Variants in RTN4RL2 observed in about 807,000 individuals in gnomAD.
The protein encoded by RTN4RL2 is reticulon-4 receptor-like 2.
Under a neutral mutation model 27.8 loss-of-function variants are expected in RTN4RL2, and 9 were observed. That is an observed-to-expected ratio of 0.32 (90% CI 0.20 to 0.57). The LOEUF (loss-of-function observed/expected upper bound fraction) is 0.57, where lower values mean the gene tolerates loss of function less well. Among genes scored for constraint, RTN4RL2 ranks in the 20% least tolerant of loss-of-function variants. The probability of loss-of-function intolerance (pLI) is 0.90; values close to 1 mark genes in which losing one functional copy is unlikely to be tolerated. For synonymous variants in RTN4RL2, 285 were observed against 297.9 expected (o/e 0.96, Z 0.45); for missense variants, 436 against 596.8 (o/e 0.73, Z 2.81).
chr11:57,476,813 G>GCCTGCCAGGCGCCC lies in RTN4RL2; in HGVS notation c.1168_1181dup (p.Asp395AlafsTer134). 1 of 1,545,496 alleles carries GCCTGCCAGGCGCCC rather than the reference G, an allele frequency of 6.5e-7. No homozygotes were observed. The highest frequency in any genetic ancestry group is 8.7e-7 in the Non-Finnish European group (1 of 1,152,422). ...AGGGGAGCAGATGTGCCCCGGCGCTGCCTGCCAGGCGCCCCCGGACTCCCG... is the reference window on the plus strand; with the variant it reads ...AGGGGAGCAGATGTGCCCCGGCGCTGCCTGCCAGGCGCCCCCTGCCAGGCGCCCCCGGACTCCCG... On this transcript the variant is annotated frameshift_variant, in exon 3 of 3. Coordinates refer to ENST00000335099, the MANE Select transcript of RTN4RL2 (RefSeq NM_178570.3). LOFTEE classifies it high-confidence loss of function. This position sits in a 1 kb window ranked among gnomAD's most constrained non-coding sequence, Gnocchi z 8.2.
Position 57,471,667 on chromosome 11 carries a change from C to CT in RTN4RL2, c.513+3581dup, listed in dbSNP as rs1277476312. Among the ~76,000 whole-genome samples the CT allele has an allele frequency of 2.0e-5, 3 of 152,320 alleles. No homozygotes were observed. In the East Asian group the frequency reaches 5.8e-4, roughly 29 times the overall value. On this transcript the variant is annotated intron_variant, in intron 2 of 2. Coordinates refer to ENST00000335099, the MANE Select transcript of RTN4RL2 (RefSeq NM_178570.3). ...AGGAAACTCCACCAGAGGACCACAG[C>CT]TTTTCAGAATGGGGAAGGGCCAGGC...
chr11:57,476,997 C>G lies in RTN4RL2; in HGVS notation c.*86C>G. ...GCGGCTCCGGCCCCAGTCGCCCCAC[C>G]TTCCCTGGCCTTGCTGCCTCCCTTT... On this transcript the variant is annotated 3_prime_UTR_variant, in exon 3 of 3. Coordinates refer to ENST00000335099, the MANE Select transcript of RTN4RL2 (RefSeq NM_178570.3). This position sits in a 1 kb window ranked among gnomAD's most constrained non-coding sequence, Gnocchi z 8.2. The G allele has an allele frequency of 1.5e-6, 2 of 1,358,636 alleles. No individual in the cohort carries two copies. Among genetic ancestry groups the G allele is most frequent in the Non-Finnish European group, 2.0e-6 (2 of 1,023,132 alleles). The allele number at this position is 1,358,636 out of a possible 1,614,324, so 84.2% of individuals were successfully genotyped here.
chr11:57,468,425 A>G, intron 2 of RTN4RL2: 2 of 776,676 alleles, frequency 2.6e-6, no homozygotes, highest in South Asian at 3.4e-5. Flanking sequence ...TGCCTCCCCC[A>G]TCTGTCTTCT....
Position 57,476,420 on chromosome 11 carries a change from C to A in RTN4RL2, c.772C>A (p.Leu258Ile). 6.3e-7 allele frequency: 1 copy of A among 1,598,732 alleles called. No homozygotes were observed. The highest frequency in any genetic ancestry group is 2.2e-5 in the East Asian group (1 of 44,616). ...CCTGCCCTCGCTCGAGTTCCTGCGG[C>A]TCAACGCTAACCCCTGGGCGTGCGA... ...ADLPSLEFLR[L>I]NANPWACDCR... The change falls in exon 3 of 3, where the codon CTC becomes ATC. Residue 258 changes from leucine to isoleucine, a missense_variant. Transcript: ENST00000335099. This position sits in a 1 kb window ranked among gnomAD's most constrained non-coding sequence, Gnocchi z 8.2.
At chr11:57,472,759 A>G (rs1943571385) in intron 2 of RTN4RL2, among the ~76,000 whole-genome samples, 1 of 152,188 alleles carries the variant, frequency 6.6e-6, no homozygotes, top group Non-Finnish European at 1.5e-5. Context: ...AATGGTAGCT[A>G]TCCATTAACA....
intron 1 of RTN4RL2, among the ~76,000 whole-genome samples, chr11:57,466,926 G>A (rs553399169): frequency 1.1e-4 from 16 of 152,330 alleles, no homozygotes; most frequent in South Asian, 6.2e-4. Context: ...CCCCCACAAC[G>A]AGGAACTATC....
chr11:57,476,851 C>A lies in RTN4RL2; in HGVS notation c.1203C>A (p.Leu401=). 1 of 1,572,954 alleles carries A rather than the reference C, an allele frequency of 6.4e-7. No individual in the cohort carries two copies. The highest frequency in any genetic ancestry group is 2.5e-5 in the East Asian group (1 of 39,848). The change falls in exon 3 of 3, where the codon CTC becomes CTA. Residue 401 remains leucine (L), a synonymous_variant. Transcript: ENST00000335099. The surrounding 1 kb of genome is among the most constrained non-coding windows in gnomAD (Gnocchi z 8.2). ...CCCCGGACTCCCGAGGCCCTGCGCTCTCGGCCGGGCTCCCCAGCCCTCTGC... is the reference window on the plus strand; with the variant it reads ...CCCCGGACTCCCGAGGCCCTGCGCTATCGGCCGGGCTCCCCAGCCCTCTGC... ...QAPPDSRGPA[L]SAGLPSPLLC... is the part of the protein sequence containing the mutation.
At position 57,476,374 on chromosome 11, in the gene RTN4RL2, G is replaced by T; in HGVS notation, c.726G>T (p.Leu242=). The change falls in exon 3 of 3, where the codon CTG becomes CTT. Residue 242 remains leucine (L), a synonymous_variant. Coordinates refer to ENST00000335099, the MANE Select transcript of RTN4RL2 (RefSeq NM_178570.3). The surrounding 1 kb of genome is among the most constrained non-coding windows in gnomAD (Gnocchi z 8.2). The part of the protein sequence containing the change: ...LYLFNNSLAS[L]PGEALADLPS... ...TGTTCAACAACAGCCTGGCCTCGCT[G>T]CCCGGCGAGGCGCTCGCCGACCTGC... The T allele has an allele frequency of 6.2e-7, 1 of 1,608,226 alleles. No individual in the cohort carries two copies.
Position 57,476,759 on chromosome 11 carries a change from T to C in RTN4RL2, c.1111T>C (p.Trp371Arg), listed in dbSNP as rs764404222. 8.9e-6 allele frequency: 13 copies of C among 1,465,888 alleles called. No individual in the cohort carries two copies. The African/African-American group carries it at 1.2e-4, about 13-fold the overall frequency. The allele number at this position is 1,465,888 out of a possible 1,614,324, so 90.8% of individuals were successfully genotyped here. ...GGACGCGCCTACTGAGGACGACTAC[T>C]GGGGGGGCTACGGGGGTGAGGACCA... ...GGDAPTEDDYWGGYGGEDQRG... is the reference protein window; with the variant it reads ...GGDAPTEDDYRGGYGGEDQRG... The change falls in exon 3 of 3, where the codon TGG (tryptophan) becomes CGG (arginine). Residue 371 changes from tryptophan (W) to arginine (R), a missense_variant. Trp to Arg is a moderately radical substitution (Grantham distance 101, BLOSUM62 -3). This residue lies in a region of RTN4RL2 where 60 missense variants were observed against 43.0 expected (regional missense o/e 1.40). Transcript: ENST00000335099. The surrounding 1 kb of genome is among the most constrained non-coding windows in gnomAD (Gnocchi z 8.2).
Position 57,476,599 on chromosome 11 carries a change from G to A in RTN4RL2, c.951G>A (p.Arg317=), listed in dbSNP as rs1467897451. The change falls in exon 3 of 3, where the codon CGG becomes CGA. Residue 317 remains arginine (R), a synonymous_variant. Transcript: ENST00000335099. This position sits in a 1 kb window ranked among gnomAD's most constrained non-coding sequence, Gnocchi z 8.2. Reference sequence around the variant, plus strand: ...CGTGTCCGCCCGCGGCACCCACGCGGCCGGGCAGCCGCGCCCGCGGCAACA... The same window carrying A: ...CGTGTCCGCCCGCGGCACCCACGCGACCGGGCAGCCGCGCCCGCGGCAACA... The part of the protein sequence containing the change: ...FQACPPAAPT[R]PGSRARGNSS... The A allele has an allele frequency of 2.9e-6, 4 of 1,399,748 alleles. No individual in the cohort carries two copies. The highest frequency in any genetic ancestry group is 3.4e-5 in the Admixed American group (1 of 29,052). 86.7% of individuals were successfully genotyped at this position (1,399,748 alleles called of 1,614,324 possible).
At chr11:57,464,240 G>A (rs1169169348) in intron 1 of RTN4RL2, among the ~76,000 whole-genome samples, 1 of 152,164 alleles carries the variant, frequency 6.6e-6, no homozygotes, top group African/African-American at 2.4e-5. Context: ...AGAGTCTAGG[G>A]AGAGAAAGAG....
At chr11:57,466,451 T>A (rs1943525773) in intron 1 of RTN4RL2, among the ~76,000 whole-genome samples, 1 of 152,154 alleles carries the variant, frequency 6.6e-6, no homozygotes, top group South Asian at 2.1e-4. Context: ...GCCTGGGCGA[T>A]GGAGCAAGAC....
In RTN4RL2 at chr11:57,476,457, G is replaced by T. The variant is rs1315737888; in HGVS notation, c.809G>T (p.Arg270Leu). 5 of 1,556,952 alleles carry T rather than the reference G, an allele frequency of 3.2e-6. No individual in the cohort carries two copies. The African/African-American group carries it at 5.6e-5, about 17-fold the overall frequency. ...ANPWACDCRA[R>L]PLWAWFQRAR... ...CCCTGGGCGTGCGACTGCCGCGCGC[G>T]GCCGCTCTGGGCCTGGTTCCAGCGC... The change falls in exon 3 of 3, where the codon CGG becomes CTG. Residue 270 changes from arginine (R) to leucine (L), a missense_variant. Around this residue, in one of 3 missense-constraint regions of RTN4RL2, gnomAD observed 365 missense variants for 530.5 expected, o/e 0.69. Transcript: ENST00000335099. This position sits in a 1 kb window ranked among gnomAD's most constrained non-coding sequence, Gnocchi z 8.2.
At position 57,460,675 on chromosome 11, in the gene RTN4RL2, G is replaced by T. The variant is rs1233385848; in HGVS notation, c.-191G>T. The T allele has an allele frequency of 1.1e-5, 3 of 279,636 alleles. No homozygotes were observed. The highest frequency in any genetic ancestry group is 2.0e-5 in the Non-Finnish European group (3 of 150,022). The allele number at this position is 279,636 out of a possible 1,614,324, so 17.3% of individuals were successfully genotyped here. On this transcript the variant is annotated 5_prime_UTR_variant, in exon 1 of 3. Transcript: ENST00000335099. Reference sequence around the variant, plus strand: ...CGTCGCGCCCCGCCCCGTCCCGTCGGGGCCGATGGCTCCTCCCGAGGCCCG... The same window carrying T: ...CGTCGCGCCCCGCCCCGTCCCGTCGTGGCCGATGGCTCCTCCCGAGGCCCG...
Position 57,467,511 on chromosome 11 carries a change from G to T in RTN4RL2, c.32-98G>T, listed in dbSNP as rs1202890834. The T allele has an allele frequency of 1.3e-6, 2 of 1,511,400 alleles. No individual in the cohort carries two copies. The highest frequency in any genetic ancestry group is 2.8e-5 in the African/African-American group (2 of 71,758). The allele number at this position is 1,511,400 out of a possible 1,614,324, so 93.6% of individuals were successfully genotyped here. A position where few individuals can be genotyped will look rare whatever the true frequency, so the allele number is the denominator to read the frequency against. ...TTACAGGTGTGAGCCACCATATTCA[G>T]CCGGGTCTAGGCCTTTTACCAAGTT... On this transcript the variant is annotated intron_variant, in intron 1 of 2. Coordinates refer to ENST00000335099, the MANE Select transcript of RTN4RL2 (RefSeq NM_178570.3). This position sits in a 1 kb window ranked among gnomAD's most constrained non-coding sequence, Gnocchi z 5.5.
Position 57,476,809 on chromosome 11 carries a change from C to A in RTN4RL2, c.1161C>A (p.Gly387=). The A allele has an allele frequency of 1.9e-6, 3 of 1,541,554 alleles. No homozygotes were observed. The highest frequency in any genetic ancestry group is 1.2e-5 in the South Asian group (1 of 83,984). Reference sequence around the variant, plus strand: ...AGCGAGGGGAGCAGATGTGCCCCGGCGCTGCCTGCCAGGCGCCCCCGGACT... The same window carrying A: ...AGCGAGGGGAGCAGATGTGCCCCGGAGCTGCCTGCCAGGCGCCCCCGGACT... ...EDQRGEQMCP[G]AACQAPPDSR... Residue 387 remains glycine, a synonymous_variant, in exon 3 of 3, where the codon GGC becomes GGA. Transcript: ENST00000335099. This position sits in a 1 kb window ranked among gnomAD's most constrained non-coding sequence, Gnocchi z 8.2.
At chr11:57,462,191 C>T (rs1023886677) in intron 1 of RTN4RL2, among the ~76,000 whole-genome samples, 2 of 152,056 alleles carry the variant, frequency 1.3e-5, no homozygotes, top group African/African-American at 4.8e-5. Context: ...CAGCCGCTGC[C>T]GCCACCACGG....
At position 57,476,230 on chromosome 11, in the gene RTN4RL2, C is replaced by A; in HGVS notation, c.582C>A (p.Leu194=). The A allele has an allele frequency of 6.2e-7, 1 of 1,612,550 alleles. No homozygotes were observed. Among genetic ancestry groups the A allele is most frequent in the Admixed American group, 1.7e-5 (1 of 59,966 alleles). The change falls in exon 3 of 3, where the codon CTC becomes CTA. Residue 194 remains leucine, a synonymous_variant. Coordinates refer to ENST00000335099, the MANE Select transcript of RTN4RL2 (RefSeq NM_178570.3). This position sits in a 1 kb window ranked among gnomAD's most constrained non-coding sequence, Gnocchi z 8.2. ...TCCACGGGAACCGCCTGCGGCTGCT[C>A]ACAGAGCACGTGTTTCGCGGCCTGG... ...LFLHGNRLRL[L]TEHVFRGLGS...
intron 2 of RTN4RL2, among the ~76,000 whole-genome samples, chr11:57,474,629 G>C (rs1036494329): frequency 4.6e-5 from 7 of 152,352 alleles, no homozygotes; most frequent in African/African-American, 1.7e-4. Context: ...AGGTCAGGGA[G>C]CTGAAGTCCT....
Sources: gnomAD v4.1 joint callset for allele counts (sites outside exome capture counted in the v4.1 genomes callset) on GRCh38, gnomAD v4.1.1 for gene constraint, gnomAD v4.1.1 regional missense constraint, Gnocchi (gnomAD v3.1) non-coding constraint, MANE v1.5 for transcripts, NCBI Gene and HGNC (gene_info 2026-07-23, HGNC 2026-07-21) for gene names.